The following DNAH12 variants were observed in gnomAD, a reference collection of about 807,000 sequenced individuals.
The protein encoded by DNAH12 is dynein axonemal heavy chain 12, also known as axonemal beta dynein heavy chain 12.
Under a neutral mutation model 371.5 loss-of-function variants are expected in DNAH12, and 285 were observed. The observed-to-expected ratio is 0.77, with a 90% CI of 0.70 to 0.85. DNAH12 has a LOEUF of 0.85. DNAH12 is among the 40% of genes least tolerant of loss of function. DNAH12 has a pLI of 0.00. For missense variants in DNAH12, 3,611 were observed against 3,689.4 expected (o/e 0.98, Z 0.55); for synonymous variants, 1,200 against 1,213.0 (o/e 0.99, Z 0.22).
intron 49 of DNAH12, 120 bp from the exon 50 acceptor site, chr3:57,382,513 AG>A (rs2063414044): frequency 9.8e-6 from 1 of 101,684 alleles, no homozygotes; most frequent in Admixed American, 8.6e-5. Flanking sequence ...TTGAAATCAA[AG>A]TTTTTTTTTT....
chr3:57,477,701 G>A (rs112200959), intron 13 of DNAH12, among the ~76,000 whole-genome samples: 5 of 152,124 alleles, frequency 3.3e-5, no homozygotes, highest in Non-Finnish European at 7.4e-5. Flanking sequence ...CACCTCACAC[G>A]GCCGGGTACT....
intron 29 of DNAH12, among the ~76,000 whole-genome samples, chr3:57,442,352 T>C (rs998526122): frequency 6.6e-6 from 1 of 151,848 alleles, no homozygotes. Context: ...ACAAAATATA[T>C]AGAAGTAAAA....
At chr3:57,462,102 C>A (rs780570574) in intron 18 of DNAH12, among the ~76,000 whole-genome samples, 2 of 152,118 alleles carry the variant, frequency 1.3e-5, no homozygotes, top group Non-Finnish European at 2.9e-5. Flanking sequence ...CAACAGTACT[C>A]TTAATGGAAA....
chr3:57,500,799 C>T (rs573927871), intron 11 of DNAH12, among the ~76,000 whole-genome samples: 43 of 152,186 alleles, frequency 2.8e-4, no homozygotes, highest in African/African-American at 1.0e-3. Flanking sequence ...CCCTGTTGCC[C>T]AGCTGGAGTA....
chr3:57,420,908 C>CAAAAAAA (rs369971376), intron 36 of DNAH12, among the ~76,000 whole-genome samples: 29 of 77,982 alleles, frequency 3.7e-4, no homozygotes, highest in African/African-American at 1.4e-3. Flanking sequence ...GACTCCGTCT[C>CAAAAAAA]AAAAAAAAAA....
chr3:57,441,163 A>G (rs2065293603), intron 29 of DNAH12, among the ~76,000 whole-genome samples: 1 of 152,238 alleles, frequency 6.6e-6, no homozygotes, highest in African/African-American at 2.4e-5. Context: ...ATTATAAGAT[A>G]GAAAAAATAG....
In DNAH12 at chr3:57,415,530, T is replaced by C. The variant is rs1184051937; in HGVS notation, c.5749A>G (p.Lys1917Glu). The change falls in exon 38 of 74, where the codon AAA becomes GAA. Residue 1917 changes from lysine (K) to glutamate (E), a missense_variant. Transcript: ENST00000495027. ...LLFVGPTGTGKSVYVKDKLMN... is the reference protein window; with the variant it reads ...LLFVGPTGTGESVYVKDKLMN... ...AGCTTATCCTTCACATACACAGATT[T>C]TCCTGTACCCGTTGGACCCACAAAA... 1 of 1,549,858 alleles carries C rather than the reference T, an allele frequency of 6.5e-7. No homozygotes were observed. Among genetic ancestry groups the C allele is most frequent in the African/African-American group, 1.4e-5 (1 of 72,978 alleles).
chr3:57,514,384 ACT>A (rs1377237608), intron 4 of DNAH12, among the ~76,000 whole-genome samples: 5 of 149,998 alleles, frequency 3.3e-5, no homozygotes, highest in Non-Finnish European at 7.4e-5. Context: ...ACAGAGTAAG[ACT>A]CTGTCTCAAA....
chr3:57,528,020 C>CTT (rs35945503), intron 2 of DNAH12, among the ~76,000 whole-genome samples: 3 of 151,804 alleles, frequency 2.0e-5, no homozygotes, highest in East Asian at 2.0e-4. Flanking sequence ...AGATTTAAGT[C>CTT]TTTTTTTAAT....
chr3:57,535,024 A>G (rs965979854), intron 2 of DNAH12, among the ~76,000 whole-genome samples: 8 of 152,216 alleles, frequency 5.3e-5, no homozygotes, highest in Admixed American at 6.5e-5. Context: ...TTCTCACAAC[A>G]TTCCTAAAAC....
At chr3:57,302,229 T>C (rs1057069104) in intron 69 of DNAH12, among the ~76,000 whole-genome samples, 1 of 152,096 alleles carries the variant, frequency 6.6e-6, no homozygotes, top group African/African-American at 2.4e-5. Context: ...AAGCAGACAA[T>C]GATTTAAGGA....
chr3:57,404,856 T>C, intron 42 of DNAH12, 113 bp downstream of exon 42: 1 of 930,718 alleles, frequency 1.1e-6, no homozygotes. Flanking sequence ...TGCTGGATAA[T>C]GGGTACAAAG....
At chr3:57,344,832 T>C (rs1352722906) in intron 60 of DNAH12, among the ~76,000 whole-genome samples, 1 of 152,104 alleles carries the variant, frequency 6.6e-6, no homozygotes, top group Non-Finnish European at 1.5e-5. Context: ...TGTTAAAGGA[T>C]ACAAAAGAAG....
In DNAH12 at chr3:57,301,843, G is replaced by A. The variant is rs1356317724; in HGVS notation, c.11286C>T (p.Ser3762=). The part of the protein sequence containing the change: ...MDSALEALSG[S]LLVGKVPEIW... Reference sequence around the variant, plus strand: ...TTTCTGGAACCTTTCCAACAAGTAAGCTACCGGAGAGTGCCTCCAATGCAG... The same window carrying A: ...TTTCTGGAACCTTTCCAACAAGTAAACTACCGGAGAGTGCCTCCAATGCAG... Residue 3762 remains serine, a synonymous_variant, in exon 70 of 74, where the codon AGC becomes AGT. Coordinates refer to ENST00000495027, the MANE Select transcript of DNAH12 (RefSeq NM_001366028.2). The A allele has an allele frequency of 1.3e-6, 2 of 1,551,502 alleles. No individual in the cohort carries two copies. Among genetic ancestry groups the A allele is most frequent in the East Asian group, 4.9e-5 (2 of 40,930 alleles).
intron 59 of DNAH12, among the ~76,000 whole-genome samples, chr3:57,354,971 G>C (rs2062763954): frequency 6.6e-6 from 1 of 152,160 alleles, no homozygotes; most frequent in Non-Finnish European, 1.5e-5. Context: ...GGTTACGGAA[G>C]GGGTAAGGAT....
chr3:57,398,361 CAG>C (rs1342236007), intron 43 of DNAH12, among the ~76,000 whole-genome samples: 1 of 152,104 alleles, frequency 6.6e-6, no homozygotes, highest in African/African-American at 2.4e-5. Flanking sequence ...AAAGAGAGGA[CAG>C]AGAGCTTTTT....
chr3:57,519,606 G>A, intron 4 of DNAH12: 1 of 936,886 alleles, frequency 1.1e-6, no homozygotes. Flanking sequence ...CCTTTGAAGG[G>A]CACTTGATAA....
intron 29 of DNAH12, among the ~76,000 whole-genome samples, chr3:57,444,161 A>C (rs2065399772): frequency 6.6e-6 from 1 of 152,006 alleles, no homozygotes; most frequent in Non-Finnish European, 1.5e-5. Context: ...CGATTGCACC[A>C]TTGCACTCCA....
At chr3:57,514,174 A>C (rs1346086845) in intron 4 of DNAH12, among the ~76,000 whole-genome samples, 1 of 152,072 alleles carries the variant, frequency 6.6e-6, no homozygotes, top group Non-Finnish European at 1.5e-5. Context: ...CGGGCGGATC[A>C]CCTGAGATCA....
Sources: allele counts gnomAD v4.1 joint callset (sites outside exome capture counted in the v4.1 genomes callset), GRCh38; gene constraint gnomAD v4.1.1; transcripts MANE v1.5; gene names NCBI Gene and HGNC (gene_info 2026-07-23, HGNC 2026-07-21).